The following HIF1A variants were observed in gnomAD, a reference collection of about 807,000 sequenced individuals.
HIF1A encodes the protein hypoxia-inducible factor 1-alpha.
Under a neutral mutation model 92.7 loss-of-function variants are expected in HIF1A, and 24 were observed. The observed-to-expected ratio is 0.26, with a 90% confidence interval of 0.19 to 0.36. The LOEUF is 0.36. HIF1A is among the 10% of genes least tolerant of loss of function. The pLI is 1.00. For missense variants in HIF1A, 799 were observed against 998.5 expected, an observed-to-expected ratio of 0.80 and a Z score of 2.69; for synonymous variants, 319 against 338.7, an observed-to-expected ratio of 0.94 and a Z score of 0.64.
At chr14:61,716,162 T>TA (rs1555337755) in intron 1 of HIF1A, among the ~76,000 whole-genome samples, 1 of 152,062 alleles carries the variant, frequency 6.6e-6, no homozygotes, top group Non-Finnish European at 1.5e-5. Context: ...TTAATAAGAT[T>TA]AAAAAGATGC....
intron 1 of HIF1A, among the ~76,000 whole-genome samples, chr14:61,699,159 G>A (rs1442685171): frequency 6.6e-6 from 1 of 152,100 alleles, no homozygotes; most frequent in African/African-American, 2.4e-5. Context: ...CTGTTTTGTG[G>A]CTCAATTTGT....
At chr14:61,745,315 C>A (rs1292491223) in intron 13 of HIF1A, among the ~76,000 whole-genome samples, 1 of 152,028 alleles carries the variant, frequency 6.6e-6, no homozygotes, top group Admixed American at 6.6e-5. Context: ...CCCAGCCACT[C>A]TGGAGGCTGA....
chr14:61,719,793 A>C (rs1261029696), intron 1 of HIF1A, among the ~76,000 whole-genome samples: 1 of 152,180 alleles, frequency 6.6e-6, no homozygotes, highest in Non-Finnish European at 1.5e-5. Flanking sequence ...GGGGCTGCTA[A>C]GGGAGGAGGC....
chr14:61,711,532 GCT>G (rs1594862693), intron 1 of HIF1A, among the ~76,000 whole-genome samples: 1 of 152,134 alleles, frequency 6.6e-6, no homozygotes. Context: ...TAGTTTCTCA[GCT>G]CTCTCTTTAC....
chr14:61,719,029 AT>A (rs1486992948), intron 1 of HIF1A, among the ~76,000 whole-genome samples: 1 of 152,204 alleles, frequency 6.6e-6, no homozygotes, highest in African/African-American at 2.4e-5. Context: ...TAACAAGAGC[AT>A]TTGCTGAGAA....
At chr14:61,742,405 T>C (rs183770173) in intron 12 of HIF1A, among the ~76,000 whole-genome samples, 1 of 150,114 alleles carries the variant, frequency 6.7e-6, no homozygotes, top group African/African-American at 2.5e-5. Context: ...CTGGGAGAGG[T>C]CTTTTCCCTA....
intron 1 of HIF1A, among the ~76,000 whole-genome samples, chr14:61,707,967 TG>T (rs1330398291): frequency 1.3e-5 from 2 of 151,868 alleles, no homozygotes; most frequent in African/African-American, 4.8e-5. Flanking sequence ...CTCCAGCACC[TG>T]TTGTTTCCTG....
chr14:61,735,802 T>TAA (rs1475624194), intron 8 of HIF1A, among the ~76,000 whole-genome samples: 12 of 152,142 alleles, frequency 7.9e-5, no homozygotes, highest in Non-Finnish European at 1.5e-4. Flanking sequence ...TCTTAATCAT[T>TAA]TATCTGTGTA....
At chr14:61,708,636 G>T (rs2044272187) in intron 1 of HIF1A, among the ~76,000 whole-genome samples, 1 of 151,948 alleles carries the variant, frequency 6.6e-6, no homozygotes, top group African/African-American at 2.4e-5. Flanking sequence ...TTATTTCTGA[G>T]GGCTCTGTTC....
Position 61,720,390 on chromosome 14 carries a change from C to A in HIF1A, c.44C>A (p.Ser15Tyr). ...GGANDKKKISSERRKEKSRDA... is the reference protein window; with the variant it reads ...GGANDKKKISYERRKEKSRDA... Reference sequence around the variant, plus strand: ...TTGTTGTTGTTAAGTAGGATAAGTTCTGAACGTCGAAAAGAAAAGTCTCGA... The same window carrying A: ...TTGTTGTTGTTAAGTAGGATAAGTTATGAACGTCGAAAAGAAAAGTCTCGA... The change falls in exon 2 of 15, where the codon TCT becomes TAT. Residue 15 changes from serine (S) to tyrosine (Y), a missense_variant. This residue lies in a region of HIF1A where 516 missense variants were observed against 721.0 expected (regional missense o/e 0.72). Transcript: ENST00000337138. The A allele has an allele frequency of 1.2e-6, 2 of 1,610,424 alleles. No individual in the cohort carries two copies. Among genetic ancestry groups the A allele is most frequent in the Non-Finnish European group, 8.5e-7 (1 of 1,178,512 alleles).
rs779855998 is a variant in HIF1A at position 61,745,719 on chromosome 14, A to C, written c.2231A>C (p.His744Pro). The change falls in exon 14 of 15, where the codon CAT (histidine) becomes CCT (proline). Residue 744 changes from histidine (H) to proline (P), a missense_variant. Transcript: ENST00000337138. ...ACATTATTACAGCAGCCAGACGATCATGCAGCTACTACATCACTTTCTTGG... is the reference window on the plus strand; with the variant it reads ...ACATTATTACAGCAGCCAGACGATCCTGCAGCTACTACATCACTTTCTTGG... ...IGTLLQQPDD[H>P]AATTSLSWKR... 1 of 1,612,542 alleles carries C rather than the reference A, an allele frequency of 6.2e-7. No homozygotes were observed. Among genetic ancestry groups the C allele is most frequent in the East Asian group, 2.2e-5 (1 of 44,858 alleles).
In HIF1A at chr14:61,721,862, G is replaced by A. The variant is rs927138831; in HGVS notation, c.457+39G>A. The A allele has an allele frequency of 5.6e-6, 8 of 1,419,582 alleles. No homozygotes were observed. In the African/African-American group the frequency reaches 1.1e-4, roughly 20 times the overall value. The allele number at this position is 1,419,582 out of a possible 1,614,324, so 87.9% of individuals were successfully genotyped here. The stretch of plus-strand genomic sequence containing the variant: ...GTTGTTTGATTTAATGTGACAGGTG[G>A]TTTTACATAATAAGATACTATTGCT... On this transcript the variant is annotated intron_variant, in intron 4 of 14. Transcript: ENST00000337138.
chr14:61,744,124 G>A (rs1022301138), intron 12 of HIF1A, among the ~76,000 whole-genome samples: 3 of 152,168 alleles, frequency 2.0e-5, no homozygotes, highest in Non-Finnish European at 4.4e-5. Flanking sequence ...ATATTAGGTG[G>A]AATAAAAGGA....
At chr14:61,744,664 T>A (rs758843175) in intron 12 of HIF1A, 41 bp from the exon 13 acceptor site, 35 of 830,458 alleles carry the variant, frequency 4.2e-5, no homozygotes, top group Non-Finnish European at 6.0e-5. Context: ...ATATTTTTTT[T>A]AAAAACGCTA....
At chr14:61,724,349 TTCTCTCTCTC>T (rs147642291) in intron 4 of HIF1A, among the ~76,000 whole-genome samples, 73 of 96,118 alleles carry the variant, frequency 7.6e-4, no homozygotes, top group African/African-American at 2.4e-3. Flanking sequence ...CACACACACA[TTCTCTCTCTC>T]TCTCTCTCTC....
chr14:61,727,607 T>G lies in HIF1A; in HGVS notation c.725T>G (p.Phe242Cys). The G allele has an allele frequency of 6.2e-7, 1 of 1,613,860 alleles. No homozygotes were observed. The highest frequency in any genetic ancestry group is 8.5e-7 in the Non-Finnish European group (1 of 1,179,764). The change falls in exon 6 of 15, where the codon TTC becomes TGC. Residue 242 changes from phenylalanine (F) to cysteine (C), a missense_variant. Phe to Cys is a radical substitution (Grantham distance 205, BLOSUM62 -2). Transcript: ENST00000337138. ...GAAATTCCTTTAGATAGCAAGACTTTCCTCAGTCGACACAGCCTGGATATG... is the reference window on the plus strand; with the variant it reads ...GAAATTCCTTTAGATAGCAAGACTTGCCTCAGTCGACACAGCCTGGATATG... ...NIEIPLDSKTFLSRHSLDMKF... is the reference protein window; with the variant it reads ...NIEIPLDSKTCLSRHSLDMKF...
intron 1 of HIF1A, among the ~76,000 whole-genome samples, chr14:61,700,224 A>G (rs985284983): frequency 2.6e-4 from 40 of 152,144 alleles, no homozygotes; most frequent in African/African-American, 9.7e-4. Context: ...AGTAGTGTTA[A>G]GTATATTCAC....
At chr14:61,739,148 A>G (rs896384944) in intron 10 of HIF1A, among the ~76,000 whole-genome samples, 1 of 152,180 alleles carries the variant, frequency 6.6e-6, no homozygotes, top group African/African-American at 2.4e-5. Flanking sequence ...ATTTAGTCTA[A>G]TTTCCATCAC....
intron 8 of HIF1A, among the ~76,000 whole-genome samples, chr14:61,735,624 T>G (rs555548030): frequency 6.6e-6 from 1 of 152,242 alleles, no homozygotes; most frequent in Non-Finnish European, 1.5e-5. Flanking sequence ...GCATTATCAG[T>G]TCATTTCAGA....
Sources: gnomAD v4.1 joint callset for allele counts (sites outside exome capture counted in the v4.1 genomes callset) on GRCh38, gnomAD v4.1.1 for gene constraint, gnomAD v4.1.1 regional missense constraint, MANE v1.5 for transcripts, NCBI Gene and HGNC (gene_info 2026-07-23, HGNC 2026-07-21) for gene names.